Variants in SUGCT observed in about 807,000 individuals in gnomAD.
SUGCT encodes the protein succinyl-CoA:glutarate CoA-transferase.
A neutral mutation model predicts 55.0 loss-of-function variants in SUGCT; 41 were observed. That is an observed-to-expected ratio of 0.74 (90% confidence interval 0.58 to 0.97). The LOEUF is 0.97. Among genes scored for constraint, SUGCT ranks in the 50% least tolerant of loss-of-function variants. SUGCT has a pLI of 0.00. For missense variants in SUGCT, 568 were observed against 547.8 expected (o/e 1.04, Z -0.37); for synonymous variants, 187 against 200.4 (o/e 0.93, Z 0.56).
chr7:40,165,121 A>G (rs918625293), intron 1 of SUGCT, among the ~76,000 whole-genome samples: 8 of 152,248 alleles, frequency 5.3e-5, no homozygotes, highest in Non-Finnish European at 5.9e-5. Context: ...CTCCTCATGC[A>G]TAAGGTCTGG....
At chr7:40,914,220 A>G in the SUGCT span, among the ~76,000 whole-genome samples, 1 of 150,538 alleles carries the variant, frequency 6.6e-6, no homozygotes, top group African/African-American at 2.5e-5. Flanking sequence ...TCAAAGTCCA[A>G]TTACATTTCC....
At chr7:40,151,659 C>G in intron 1 of SUGCT, 1 of 222,490 alleles carries the variant, frequency 4.5e-6, no homozygotes, top group East Asian at 1.1e-4. Flanking sequence ...AGTTGTAAAC[C>G]TGCATGAGAA....
In SUGCT at chr7:40,177,059, A is replaced by G. The variant is rs375258634; in HGVS notation, c.101-3888A>G. Among the ~76,000 whole-genome samples the G allele has an allele frequency of 6.0e-4, 91 of 151,940 alleles. 2 individuals carry two copies. In the South Asian group the frequency reaches 0.017, roughly 29 times the overall value. ...TCCAAATTATACATTTTGTTAGATC[A>G]CTATTCAGTATTTAGGTTGTTATTA... On this transcript the variant is annotated intron_variant, in intron 1 of 13. Transcript: ENST00000335693.
chr7:40,977,325 G>A, the SUGCT span, among the ~76,000 whole-genome samples: 2 of 152,348 alleles, frequency 1.3e-5, no homozygotes, highest in Admixed American at 1.3e-4. Context: ...CTGGCGACAA[G>A]GTTGAAGGGA....
chr7:40,679,267 TA>T (rs1784137227), intron 12 of SUGCT, among the ~76,000 whole-genome samples: 1 of 152,230 alleles, frequency 6.6e-6, no homozygotes, highest in African/African-American at 2.4e-5. Context: ...ATCTTGAAGA[TA>T]GCTGAAAGCT....
intron 9 of SUGCT, among the ~76,000 whole-genome samples, chr7:40,430,056 A>G (rs889919737): frequency 2.0e-4 from 31 of 152,090 alleles, no homozygotes; most frequent in Admixed American, 1.5e-3. Flanking sequence ...AGGTACTACC[A>G]TTTCTTTATT....
intron 6 of SUGCT, among the ~76,000 whole-genome samples, chr7:40,199,606 T>C (rs866961093): frequency 2.0e-5 from 3 of 152,220 alleles, no homozygotes; most frequent in Admixed American, 6.5e-5. Context: ...CCTCGTATCT[T>C]CTGAACATGT....
At chr7:40,217,489 G>A (rs1189464098) in intron 6 of SUGCT, 2 of 436,470 alleles carry the variant, frequency 4.6e-6, no homozygotes, top group African/African-American at 2.0e-5. Context: ...TGGGATTACA[G>A]GAATGAGCCA....
At chr7:40,870,315 A>G in the SUGCT span, among the ~76,000 whole-genome samples, 3 of 152,038 alleles carry the variant, frequency 2.0e-5, no homozygotes, top group African/African-American at 7.2e-5. Context: ...TCCTTGGCCA[A>G]TGGTCATTTC....
At chr7:40,843,645 G>C (rs115469590) in intron 13 of SUGCT, among the ~76,000 whole-genome samples, 1 of 152,260 alleles carries the variant, frequency 6.6e-6, no homozygotes, top group African/African-American at 2.4e-5. Flanking sequence ...AGTTCCCAAG[G>C]AGGAACATGC....
intron 9 of SUGCT, among the ~76,000 whole-genome samples, chr7:40,351,682 A>G (rs1797640408): frequency 6.6e-6 from 1 of 152,216 alleles, no homozygotes; most frequent in South Asian, 2.1e-4. Context: ...CTCTTCAATG[A>G]CTAGCTGACA....
At chr7:41,020,113 T>A in the SUGCT span, among the ~76,000 whole-genome samples, 1 of 152,338 alleles carries the variant, frequency 6.6e-6, no homozygotes, top group Non-Finnish European at 1.5e-5. Flanking sequence ...AAATAACAAA[T>A]GCTATCTTAC....
chr7:40,442,060 G>C (rs1788545765), intron 9 of SUGCT, among the ~76,000 whole-genome samples: 3 of 152,110 alleles, frequency 2.0e-5, no homozygotes, highest in Admixed American at 2.0e-4. Flanking sequence ...TTTGACGATA[G>C]TGATGTTATC....
chr7:40,628,045 G>T (rs1799606632), intron 12 of SUGCT, among the ~76,000 whole-genome samples: 1 of 152,106 alleles, frequency 6.6e-6, no homozygotes, highest in Non-Finnish European at 1.5e-5. Flanking sequence ...GTGCAGTAGG[G>T]TCCCCCCTTA....
intron 13 of SUGCT, among the ~76,000 whole-genome samples, chr7:40,813,773 G>A (rs562532181): frequency 1.3e-5 from 2 of 152,240 alleles, no homozygotes; most frequent in Admixed American, 1.3e-4. Context: ...TTGTTAGTTG[G>A]TTGCTTTGTA....
intron 9 of SUGCT, among the ~76,000 whole-genome samples, chr7:40,379,782 T>G (rs1188264609): frequency 6.6e-6 from 1 of 152,132 alleles, no homozygotes. Flanking sequence ...TAGTAAGAAG[T>G]GAAATTGTAG....
At chr7:40,468,567 A>G (rs1016876661) in intron 11 of SUGCT, among the ~76,000 whole-genome samples, 1 of 152,176 alleles carries the variant, frequency 6.6e-6, no homozygotes, top group African/African-American at 2.4e-5. Flanking sequence ...GGCTTTATTG[A>G]GCACAAGTTT....
At chr7:40,392,967 G>T (rs534625025) in intron 9 of SUGCT, among the ~76,000 whole-genome samples, 3 of 152,266 alleles carry the variant, frequency 2.0e-5, no homozygotes, top group Non-Finnish European at 4.4e-5. Flanking sequence ...GCAGGAAGAG[G>T]GTCAGGCAGA....
At chr7:40,415,343 T>C (rs940537218) in intron 9 of SUGCT, among the ~76,000 whole-genome samples, 25 of 151,650 alleles carry the variant, frequency 1.6e-4, no homozygotes, top group African/African-American at 6.0e-4. Context: ...AGTATTGTCT[T>C]CTCTGATTCA....
Sources: allele counts gnomAD v4.1 joint callset (sites outside exome capture counted in the v4.1 genomes callset), GRCh38; gene constraint gnomAD v4.1.1; transcripts MANE v1.5; gene names NCBI Gene and HGNC (gene_info 2026-07-23, HGNC 2026-07-21).